The following ABCG5 variants were observed in gnomAD, a reference collection of about 807,000 sequenced individuals.
ABCG5 encodes ATP binding cassette subfamily G member 5.
Under a neutral mutation model 64.5 loss-of-function variants are expected in ABCG5, and 64 were observed. The observed-to-expected ratio is 0.99, with a 90% CI of 0.81 to 1.22. ABCG5 has a LOEUF of 1.22. Among genes scored for constraint, ABCG5 ranks in the 50% most tolerant of loss-of-function variants. ABCG5 has a pLI of 0.00. For synonymous variants in ABCG5, 385 were observed against 326.3 expected (o/e 1.18, Z -1.94); for missense variants, 908 against 829.5 (o/e 1.09, Z -1.16).
intron 4 of ABCG5, 47 bp downstream of exon 4, chr2:43,831,719 GGGT>G (rs755609330): frequency 6.7e-7 from 1 of 1,497,028 alleles, no homozygotes; most frequent in South Asian, 1.2e-5. Context: ...GGGCAGCGGG[GGGT>G]GCAAAGGTAC....
At chr2:43,839,136 T>C (rs1668467032), upstream of ABCG5, 6 of 1,550,834 alleles carry the variant, frequency 3.9e-6, no homozygotes, top group Non-Finnish European at 5.2e-6. Context: ...CAATGGGAAG[T>C]CGGCCCAGGC....
intron 4 of ABCG5, among the ~76,000 whole-genome samples, chr2:43,829,003 A>T (rs1456562174): frequency 6.6e-6 from 1 of 151,806 alleles, no homozygotes; most frequent in Non-Finnish European, 1.5e-5. Context: ...AATAAAATAA[A>T]ATAAGATTCC....
At chr2:43,828,199 G>C in intron 4 of ABCG5, 84 bp from the exon 5 acceptor site, 6 of 1,592,188 alleles carry the variant, frequency 3.8e-6, no homozygotes, top group Non-Finnish European at 5.1e-6. Flanking sequence ...CATGAAAGAG[G>C]CAGCACACCG....
rs570577901 is a variant in ABCG5, at chr2:43,835,960, A to T, written c.265+1874T>A. Among the ~76,000 whole-genome samples, 45 of 150,204 alleles carry T rather than the reference A, an allele frequency of 3.0e-4. 1 individual carries two copies. Among genetic ancestry groups the T allele is most frequent in the African/African-American group, 1.1e-3 (44 of 40,750 alleles). On this transcript the variant is annotated intron_variant, in intron 2 of 12. Coordinates refer to ENST00000405322, the MANE Select transcript of ABCG5 (RefSeq NM_022436.3). ...ATTCCTCTTCTTTTTTTTTTTTAAG[A>T]TGGAGTCTCACTGCTGCCCAGGCTA... is the stretch of plus-strand genomic sequence containing the variant.
At position 43,828,490 on chromosome 2, in the gene ABCG5, A is replaced by G. The variant is rs987111959; in HGVS notation, c.502-375T>C. The G allele has an allele frequency of 2.4e-3, 900 of 379,644 alleles. 8 individuals are homozygous for G. The East Asian group carries it at 0.028, about 12-fold the overall frequency. The allele number at this position is 379,644 out of a possible 1,614,324, so 23.5% of individuals were successfully genotyped here. On this transcript the variant is annotated intron_variant, in intron 4 of 12. Transcript: ENST00000405322. Reference sequence around the variant, plus strand: ...GTCTCTACAAAAAAAAAAAAAAAAAAAAAGAAAGAAAAAAACAATAAATTA... The same window carrying G: ...GTCTCTACAAAAAAAAAAAAAAAAAGAAAGAAAGAAAAAAACAATAAATTA...
chr2:43,826,024 A>G (rs1436065112), intron 6 of ABCG5, among the ~76,000 whole-genome samples: 1 of 151,996 alleles, frequency 6.6e-6, no homozygotes, highest in Non-Finnish European at 1.5e-5. Context: ...CACCCAGGCT[A>G]GAGTGCAATG....
At chr2:43,823,504 C>G (rs1039136641) in intron 9 of ABCG5, among the ~76,000 whole-genome samples, 1 of 152,164 alleles carries the variant, frequency 6.6e-6, no homozygotes, top group African/African-American at 2.4e-5. Flanking sequence ...CTCTGGAATT[C>G]CACTGAATTT....
intron 11 of ABCG5, among the ~76,000 whole-genome samples, chr2:43,817,059 G>A (rs1042359909): frequency 1.2e-4 from 18 of 152,226 alleles, no homozygotes; most frequent in Non-Finnish European, 2.1e-4. Flanking sequence ...TGACTAGCAG[G>A]TTGATGTGGC....
chr2:43,839,029 C>G (rs749250293), upstream of ABCG5: 251 of 1,550,156 alleles, frequency 1.6e-4, 1 homozygote, highest in Non-Finnish European at 2.0e-4. Flanking sequence ...GAGCTGCAGC[C>G]CAGGGTCACA....
rs868540610 is a variant in ABCG5, at chr2:43,824,040, G to A, written c.1197C>T (p.Phe399=). The change falls in exon 9 of 13, where the codon TTC becomes TTT. Residue 399 remains phenylalanine, a synonymous_variant. Coordinates refer to ENST00000405322, the MANE Select transcript of ABCG5 (RefSeq NM_022436.3). The stretch of plus-strand genomic sequence containing the variant: ...GGACCCGCAGAACGAAGAAAAGGAG[G>A]AACAAACCCATGATCAGATTCTGAA... The part of the protein sequence containing the change: ...RLLQNLIMGL[F]LLFFVLRVRS... 1.9e-6 allele frequency: 3 copies of A among 1,614,170 alleles called. No homozygotes were observed. The highest frequency in any genetic ancestry group is 2.5e-6 in the Non-Finnish European group (3 of 1,180,038).
Position 43,824,100 on chromosome 2 carries a change from C to G in ABCG5, c.1137G>C (p.Leu379Phe), listed in dbSNP as rs757559417. The G allele has an allele frequency of 1.9e-6, 3 of 1,614,056 alleles. No homozygotes were observed. The highest frequency in any genetic ancestry group is 2.5e-6 in the Non-Finnish European group (3 of 1,180,052). Residue 379 changes from leucine (L) to phenylalanine (F), a missense_variant, in exon 9 of 13, where the codon TTG becomes TTC. By Grantham distance (22) the Leu-to-Phe change is conservative. Transcript: ENST00000405322. ...GVLLRRVTRN[L>F]VRNKLAVITR... ...TAATCACTGCCAGCTTATTTCTCAC[C>G]AAGTTTCTTGTCACTCTCCTGAAAA...
intron 11 of ABCG5, among the ~76,000 whole-genome samples, chr2:43,818,803 A>C (rs1463463274): frequency 2.6e-5 from 4 of 152,172 alleles, no homozygotes; most frequent in Admixed American, 2.0e-4. Context: ...GCAATTTATA[A>C]TGTGTTTTCA....
chr2:43,809,605 G>A, downstream of ABCG5: 1 of 750,602 alleles, frequency 1.3e-6, no homozygotes, highest in Non-Finnish European at 2.3e-6. Context: ...TGCTACTAAG[G>A]ATTCATTGAT....
intron 10 of ABCG5, 70 bp from the exon 11 acceptor site, chr2:43,820,170 C>G: frequency 6.5e-7 from 1 of 1,527,486 alleles, no homozygotes; most frequent in Non-Finnish European, 8.9e-7. Context: ...GCACTTGCCT[C>G]TGTGAATAAA....
In ABCG5 at chr2:43,838,287, C is replaced by A. The variant is rs996575739; in HGVS notation, c.143+250G>T. On this transcript the variant is annotated intron_variant, in intron 1 of 12. Coordinates refer to ENST00000405322, the MANE Select transcript of ABCG5 (RefSeq NM_022436.3). This position sits in a 1 kb window ranked among gnomAD's most constrained non-coding sequence, Gnocchi z 4.2. ...ATCCACAGAGGGCAGGCCGTAGACA[C>A]TGGGTTGGCAGGGCACTGCTGCCAC... 3.3e-6 allele frequency: 2 copies of A among 600,156 alleles called. No individual in the cohort carries two copies. The highest frequency in any genetic ancestry group is 5.9e-6 in the Non-Finnish European group (2 of 339,488). The allele number at this position is 600,156 out of a possible 1,614,324, so 37.2% of individuals were successfully genotyped here. A position where few individuals can be genotyped will look rare whatever the true frequency, so the allele number is the denominator to read the frequency against.
At chr2:43,823,548 C>G (rs4148188) in intron 9 of ABCG5, among the ~76,000 whole-genome samples, 1 of 151,890 alleles carries the variant, frequency 6.6e-6, no homozygotes, top group African/African-American at 2.4e-5. Flanking sequence ...AAAATCAGCT[C>G]CAAAGAGAAG....
At chr2:43,818,326 C>A (rs776395477) in intron 11 of ABCG5, among the ~76,000 whole-genome samples, 50 of 152,120 alleles carry the variant, frequency 3.3e-4, no homozygotes, top group Non-Finnish European at 5.7e-4. Flanking sequence ...CACCTGTAAT[C>A]CCAGCTATTC....
chr2:43,838,492 C>G lies in ABCG5; in HGVS notation c.143+45G>C, dbSNP rs1026742283. ...AGGCAGCAGAGGGGTGAGCGCCGGG[C>G]CCCGCACTCCTGGGGGAGCAGCAGC... On this transcript the variant is annotated intron_variant, in intron 1 of 12. Transcript: ENST00000405322. The surrounding 1 kb of genome is among the most constrained non-coding windows in gnomAD (Gnocchi z 4.2). The G allele has an allele frequency of 1.2e-5, 18 of 1,553,578 alleles. No homozygotes were observed. Among genetic ancestry groups the G allele is most frequent in the African/African-American group, 4.1e-5 (3 of 73,516 alleles).
chr2:43,832,314 G>C, intron 2 of ABCG5: 1 of 606,902 alleles, frequency 1.6e-6, no homozygotes, highest in Non-Finnish European at 2.9e-6. Context: ...CTGAGTGAGA[G>C]GGGACATGCC....
Sources: allele counts gnomAD v4.1 joint callset (sites outside exome capture counted in the v4.1 genomes callset), GRCh38; gene constraint gnomAD v4.1.1; non-coding constraint Gnocchi (gnomAD v3.1); transcripts MANE v1.5; gene names NCBI Gene and HGNC (gene_info 2026-07-23, HGNC 2026-07-21).